Variants in PCDHA3 observed in about 807,000 individuals in gnomAD.
The protein encoded by PCDHA3 is protocadherin alpha-3.
A neutral mutation model predicts 62.2 loss-of-function variants in PCDHA3; 41 were observed. The ratio of observed to expected loss-of-function variants is 0.66; its 90% CI spans 0.51 to 0.86. The LOEUF is 0.86. Among genes scored for constraint, PCDHA3 ranks in the 40% least tolerant of loss-of-function variants. PCDHA3 has a pLI of 0.00. For missense variants in PCDHA3, 1,304 were observed against 1,241.2 expected (o/e 1.05, Z -0.76); for synonymous variants, 640 against 555.4 (o/e 1.15, Z -2.14).
chr5:140,993,256 A>C lies in PCDHA3; in HGVS notation c.2542+10693A>C, dbSNP rs1419636248. Among the ~76,000 whole-genome samples, 3 of 152,148 alleles carry C rather than the reference A, an allele frequency of 2.0e-5. No homozygotes were observed. In the East Asian group the frequency reaches 5.8e-4, roughly 29 times the overall value. On this transcript the variant is annotated intron_variant, in intron 3 of 3. Coordinates refer to ENST00000522353, the MANE Select transcript of PCDHA3 (RefSeq NM_018906.3). The stretch of plus-strand genomic sequence containing the variant: ...CTGAATCTGGGGATTTAGATATATA[A>C]ATTAGCTTCTTTGGTCTTTTCTTGC...
At position 141,012,035 on chromosome 5, in the gene PCDHA3, G is replaced by A. The variant is rs908623831; in HGVS notation, c.*2098G>A. The A allele has an allele frequency of 1.3e-5, 2 of 153,684 alleles. No individual in the cohort carries two copies. The highest frequency in any genetic ancestry group is 2.9e-5 in the Non-Finnish European group (2 of 68,026). The allele number at this position is 153,684 out of a possible 1,614,324, so 9.5% of individuals were successfully genotyped here. A position where few individuals can be genotyped will look rare whatever the true frequency, so the allele number is the denominator to read the frequency against. On this transcript the variant is annotated 3_prime_UTR_variant, in exon 4 of 4. Coordinates refer to ENST00000522353, the MANE Select transcript of PCDHA3 (RefSeq NM_018906.3). The stretch of plus-strand genomic sequence containing the variant: ...TGTGTAACTTCAGCTCTGCAGGATT[G>A]CATGGGGTAAAACTTGTTACCAACA...
chr5:140,846,435 C>T (rs1355633400), intron 1 of PCDHA3, among the ~76,000 whole-genome samples: 1 of 133,632 alleles, frequency 7.5e-6, no homozygotes, highest in Non-Finnish European at 1.6e-5. Flanking sequence ...AATGCAGTGG[C>T]GCAATCTCGG....
At chr5:140,891,128 C>G (rs1554184692) in intron 1 of PCDHA3, among the ~76,000 whole-genome samples, 1 of 152,100 alleles carries the variant, frequency 6.6e-6, no homozygotes, top group Non-Finnish European at 1.5e-5. Flanking sequence ...AAATGTCATT[C>G]CTTTAAAGGT....
At chr5:140,869,521 C>G (rs782236624) in intron 1 of PCDHA3, 1 of 1,614,182 alleles carries the variant, frequency 6.2e-7, no homozygotes, top group Non-Finnish European at 8.5e-7. Context: ...AGAACAAAAG[C>G]TGCTGATTGC....
At position 140,801,859 on chromosome 5, in the gene PCDHA3, A is replaced by G. The variant is rs781796006; in HGVS notation, c.662A>G (p.Glu221Gly). ...ACAGCAATTGATGGTGGGAAACCAG[A>G]GCTCACTGGCACGACTCAACTAAAG... ...LITAIDGGKP[E>G]LTGTTQLKIT... Residue 221 changes from glutamate (E) to glycine (G), a missense_variant, in exon 1 of 4, where the codon GAG (glutamate) becomes GGG (glycine). Glu to Gly is a moderately conservative substitution (Grantham distance 98). Transcript: ENST00000522353. The G allele has an allele frequency of 6.2e-7, 1 of 1,614,024 alleles. No individual in the cohort carries two copies. Among genetic ancestry groups the G allele is most frequent in the East Asian group, 2.2e-5 (1 of 44,902 alleles).
intron 3 of PCDHA3, among the ~76,000 whole-genome samples, chr5:140,991,302 T>C (rs2097443703): frequency 6.6e-6 from 1 of 152,204 alleles, no homozygotes; most frequent in African/African-American, 2.4e-5. Flanking sequence ...ATTACTATTA[T>C]CTTGTCCCGC....
At chr5:140,979,169 A>T (rs2096837685) in intron 2 of PCDHA3, 162 bp downstream of exon 2, 1 of 966,312 alleles carries the variant, frequency 1.0e-6, no homozygotes, top group Admixed American at 6.2e-5. Context: ...TCCTTGAAAG[A>T]TCGCAAATGG....
In PCDHA3 at chr5:140,928,656, T is replaced by A. The variant is rs116598649; in HGVS notation, c.2395-50293T>A. ...TCACAAAAGTGGTAGCAGAGGATGC[T>A]GACAGTGGTTCTAATGCCTGGCTTT... On this transcript the variant is annotated intron_variant, in intron 1 of 3. Transcript: ENST00000522353. 5,180 of 1,614,228 alleles carry A rather than the reference T, an allele frequency of 3.2e-3. 26 individuals are homozygous for A. Among genetic ancestry groups the A allele is most frequent in the African/African-American group, 0.019 (1,449 of 75,056 alleles).
chr5:140,900,180 T>G (rs1223345758), intron 1 of PCDHA3, among the ~76,000 whole-genome samples: 3 of 152,228 alleles, frequency 2.0e-5, no homozygotes, highest in Non-Finnish European at 4.4e-5. Context: ...CTGGTTTATG[T>G]CACTTATAAT....
intron 1 of PCDHA3, among the ~76,000 whole-genome samples, chr5:140,898,335 A>C (rs1232674937): frequency 2.6e-5 from 4 of 152,208 alleles, no homozygotes; most frequent in African/African-American, 9.6e-5. Context: ...CTAACGTTTA[A>C]GTCTTTAATC....
chr5:140,947,570 TG>T (rs2094146227), intron 1 of PCDHA3, among the ~76,000 whole-genome samples: 1 of 151,820 alleles, frequency 6.6e-6, no homozygotes, highest in African/African-American at 2.4e-5. Flanking sequence ...ATATTGGGAA[TG>T]TTTTTAACAT....
At chr5:140,957,641 T>G (rs1554223056) in intron 1 of PCDHA3, among the ~76,000 whole-genome samples, 1 of 152,110 alleles carries the variant, frequency 6.6e-6, no homozygotes, top group African/African-American at 2.4e-5. Flanking sequence ...AGAAATGCAC[T>G]TAAATATTCA....
At chr5:140,963,989 T>C (rs2095803669) in intron 1 of PCDHA3, among the ~76,000 whole-genome samples, 1 of 152,202 alleles carries the variant, frequency 6.6e-6, no homozygotes, top group Non-Finnish European at 1.5e-5. Flanking sequence ...ATATTCCTAA[T>C]TACTGTGTTC....
At chr5:140,877,388 A>G (rs1186041410) in intron 1 of PCDHA3, 14 of 1,613,802 alleles carry the variant, frequency 8.7e-6, no homozygotes, top group Non-Finnish European at 1.2e-5. Flanking sequence ...ATCCTGGATG[A>G]GGCGGACGCT....
chr5:140,982,330 A>G (rs1164990385), intron 2 of PCDHA3, 145 bp from the exon 3 acceptor site: 3 of 1,429,408 alleles, frequency 2.1e-6, no homozygotes, highest in Non-Finnish European at 2.8e-6. Flanking sequence ...GTGACTGCTC[A>G]GCAGTAATTG....
intron 1 of PCDHA3, chr5:140,829,367 A>G (rs1190991665): frequency 3.7e-6 from 6 of 1,614,046 alleles, no homozygotes; most frequent in Non-Finnish European, 5.1e-6. Context: ...GTTGGTGGTA[A>G]CCGCGCGGGA....
chr5:140,971,019 G>A (rs908442935), intron 1 of PCDHA3, among the ~76,000 whole-genome samples: 2 of 152,174 alleles, frequency 1.3e-5, no homozygotes, highest in African/African-American at 2.4e-5. Flanking sequence ...TCTTTAGATC[G>A]TAGCATTTGA....
At chr5:140,828,560 G>C (rs2150156766) in intron 1 of PCDHA3, 1 of 1,614,210 alleles carries the variant, frequency 6.2e-7, no homozygotes, top group South Asian at 1.1e-5. Context: ...ACTGGAGGGC[G>C]CGTCCGATGC....
At chr5:140,822,845 C>G in intron 1 of PCDHA3, 1 of 1,614,190 alleles carries the variant, frequency 6.2e-7, no homozygotes, top group Non-Finnish European at 8.5e-7. Flanking sequence ...CTTTTCCTGC[C>G]TGTCAAAGAG....
Sources: allele counts gnomAD v4.1 joint callset (sites outside exome capture counted in the v4.1 genomes callset), GRCh38; gene constraint gnomAD v4.1.1; transcripts MANE v1.5; gene names NCBI Gene and HGNC (gene_info 2026-07-23, HGNC 2026-07-21).